CAAP1: variants seen among roughly 807,000 people sequenced by gnomAD.
CAAP1 encodes caspase activity and apoptosis inhibitor 1.
Under a neutral mutation model 34.0 loss-of-function variants are expected in CAAP1, and 20 were observed. The ratio of observed to expected loss-of-function variants is 0.59; its 90% CI spans 0.41 to 0.86. CAAP1 has a LOEUF of 0.86. Among genes scored for constraint, CAAP1 ranks in the 40% least tolerant of loss-of-function variants. CAAP1 has a pLI of 0.00. For synonymous variants in CAAP1, 213 were observed against 166.7 expected, an observed-to-expected ratio of 1.28 and a Z score of -2.14; for missense variants, 538 against 450.5, an observed-to-expected ratio of 1.19 and a Z score of -1.76.
rs367762619 is a variant in CAAP1, at chr9:26,852,799, G to GA, written c.739+8266dup. Among the ~76,000 whole-genome samples the GA allele has an allele frequency of 3.6e-3, 530 of 146,328 alleles. 2 individuals carry two copies. Among genetic ancestry groups the GA allele is most frequent in the Non-Finnish European group, 6.0e-3 (396 of 66,160 alleles). ...TTTATTAGAAGGTTTACGAGCTCTG[G>GA]AAAAAAAAAAATTAGTATCAACTAG... On this transcript the variant is annotated intron_variant, in intron 5 of 5. Coordinates refer to ENST00000333916, the MANE Select transcript of CAAP1 (RefSeq NM_024828.4).
chr9:26,857,316 C>G (rs62544403), intron 5 of CAAP1, among the ~76,000 whole-genome samples: 10,964 of 152,278 alleles, frequency 0.072, 441 homozygotes, highest in Middle Eastern at 0.15. Context: ...CAACTACATT[C>G]TGAGTGAAAT....
rs1010547054 is a variant in CAAP1, at chr9:26,890,379, A to G, written c.303+2034T>C. On this transcript the variant is annotated intron_variant, in intron 1 of 5. Transcript: ENST00000333916. ...CAGTGAGAGCCTATCTCAAAAAAAG[A>G]AAAAAAAAAAGGAAACTATTTAAAA... Among the ~76,000 whole-genome samples, 3 of 82,348 alleles carry G rather than the reference A, an allele frequency of 3.6e-5. No homozygotes were observed. In the Admixed American group the frequency reaches 4.1e-4, roughly 11 times the overall value. The allele number at this position is 82,348 out of a possible 152,430, so 54.0% of individuals were successfully genotyped here.
chr9:26,887,370 C>T lies in CAAP1; in HGVS notation c.447G>A (p.Gln149=), dbSNP rs753604036. ...TTTTCTCTCCTATAATACAGAAGCA[C>T]TGCTGAAGCATTTCTTTTTTGTCTG... ...YISDKKEMLQ[Q]CFCIIGEKKL... is the part of the protein sequence containing the mutation. Residue 149 remains glutamine (Q), a synonymous_variant, in exon 2 of 6, where the codon CAG becomes CAA. Transcript: ENST00000333916. 2.5e-6 allele frequency: 4 copies of T among 1,611,430 alleles called. No individual in the cohort carries two copies. Among genetic ancestry groups the T allele is most frequent in the Non-Finnish European group, 2.5e-6 (3 of 1,178,580 alleles).
chr9:26,858,269 A>G (rs996516097), intron 5 of CAAP1, among the ~76,000 whole-genome samples: 4 of 152,184 alleles, frequency 2.6e-5, no homozygotes, highest in Admixed American at 2.6e-4. Context: ...CAAATAGACA[A>G]TATTAGTGCA....
At chr9:26,868,550 T>C (rs1286784380) in intron 4 of CAAP1, among the ~76,000 whole-genome samples, 1 of 152,166 alleles carries the variant, frequency 6.6e-6, no homozygotes, top group East Asian at 1.9e-4. Context: ...TCCAGAACTA[T>C]AAGAAAATAA....
At chr9:26,883,335 T>C (rs1191497649) in intron 4 of CAAP1, among the ~76,000 whole-genome samples, 1 of 152,208 alleles carries the variant, frequency 6.6e-6, no homozygotes, top group Non-Finnish European at 1.5e-5. Context: ...ATCTTTCACT[T>C]GGTTCCCTCA....
At chr9:26,843,234 C>G (rs191426376) in intron 5 of CAAP1, among the ~76,000 whole-genome samples, 1 of 151,974 alleles carries the variant, frequency 6.6e-6, no homozygotes, top group Non-Finnish European at 1.5e-5. Flanking sequence ...GTTTTAATGA[C>G]GAGGATTTTA....
At position 26,842,275 on chromosome 9, in the gene CAAP1, C is replaced by A; in HGVS notation, c.*26G>T. On this transcript the variant is annotated 3_prime_UTR_variant, in exon 6 of 6. Transcript: ENST00000333916. ...ATGATGTGGCTTTGTTCAAACATAC[C>A]TAAAATTCAAAATCAAGTTAAATAC... is the stretch of plus-strand genomic sequence containing the variant. 1 of 1,509,458 alleles carries A rather than the reference C, an allele frequency of 6.6e-7. No individual in the cohort carries two copies. 93.5% of individuals were successfully genotyped at this position (1,509,458 alleles called of 1,614,324 possible).
At chr9:26,852,956 G>T (rs1263151207) in intron 5 of CAAP1, among the ~76,000 whole-genome samples, 1 of 152,216 alleles carries the variant, frequency 6.6e-6, no homozygotes, top group Non-Finnish European at 1.5e-5. Context: ...AGTGTTTGGA[G>T]TGCTAGAAGA....
chr9:26,888,897 C>T (rs138562846), intron 1 of CAAP1, among the ~76,000 whole-genome samples: 19 of 152,270 alleles, frequency 1.2e-4, no homozygotes, highest in Non-Finnish European at 2.1e-4. Context: ...GTTATCTATA[C>T]GTATGTGGTA....
chr9:26,854,670 G>T (rs1822826961), intron 5 of CAAP1, among the ~76,000 whole-genome samples: 1 of 152,108 alleles, frequency 6.6e-6, no homozygotes, highest in African/African-American at 2.4e-5. Flanking sequence ...CAAAGCACTG[G>T]TATCCAAAAT....
At chr9:26,844,118 G>T (rs1361630605) in intron 5 of CAAP1, among the ~76,000 whole-genome samples, 1 of 152,178 alleles carries the variant, frequency 6.6e-6, no homozygotes, top group Non-Finnish European at 1.5e-5. Context: ...AGCACTTTGG[G>T]AGGCTGAGGT....
chr9:26,879,085 T>C (rs753222319), intron 4 of CAAP1, among the ~76,000 whole-genome samples: 3 of 152,224 alleles, frequency 2.0e-5, no homozygotes, highest in Non-Finnish European at 2.9e-5. Flanking sequence ...TCTTTGAGAT[T>C]TGTATACATG....
At chr9:26,875,168 C>T (rs775787232) in intron 4 of CAAP1, among the ~76,000 whole-genome samples, 3 of 152,184 alleles carry the variant, frequency 2.0e-5, no homozygotes, top group South Asian at 2.1e-4. Context: ...GTGGATCACT[C>T]GAGGTCAGGG....
At chr9:26,862,230 G>A (rs1045987678) in intron 4 of CAAP1, among the ~76,000 whole-genome samples, 5 of 152,110 alleles carry the variant, frequency 3.3e-5, no homozygotes, top group South Asian at 2.1e-4. Flanking sequence ...TTAAATGCCA[G>A]TATACTACAT....
Position 26,892,471 on chromosome 9 carries a change from C to G in CAAP1, c.245G>C (p.Ser82Thr). 15 of 1,564,742 alleles carry G rather than the reference C, an allele frequency of 9.6e-6. No individual in the cohort carries two copies. The highest frequency in any genetic ancestry group is 1.3e-5 in the Non-Finnish European group (15 of 1,155,776). Reference sequence around the variant, plus strand: ...GGTACTCCTCCGCTTCCGGCGCTCGCTGCGCTCCACGCTGCTCCCGCCCCA... The same window carrying G: ...GGTACTCCTCCGCTTCCGGCGCTCGGTGCGCTCCACGCTGCTCCCGCCCCA... ...SCWGGSSVER[S>T]ERRKRRSTDS... The change falls in exon 1 of 6, where the codon AGC (serine) becomes ACC (threonine). Residue 82 changes from serine to threonine, a missense_variant. Ser to Thr is a moderately conservative substitution (Grantham distance 58). Transcript: ENST00000333916.
chr9:26,864,800 A>G (rs967731360), intron 4 of CAAP1, among the ~76,000 whole-genome samples: 4 of 152,230 alleles, frequency 2.6e-5, no homozygotes, highest in Non-Finnish European at 4.4e-5. Context: ...TTAAAGGTGC[A>G]AACATGCAGG....
intron 1 of CAAP1, among the ~76,000 whole-genome samples, chr9:26,890,455 T>C (rs1701529463): frequency 6.6e-6 from 1 of 151,792 alleles, no homozygotes; most frequent in Non-Finnish European, 1.5e-5. Context: ...GAAAACTGAA[T>C]AGATCTATAT....
chr9:26,866,848 A>C (rs1324674600), intron 4 of CAAP1, among the ~76,000 whole-genome samples: 1 of 152,170 alleles, frequency 6.6e-6, no homozygotes, highest in Non-Finnish European at 1.5e-5. Flanking sequence ...ACTACAAATT[A>C]CCCAAAATCA....
Sources: allele counts gnomAD v4.1 joint callset (sites outside exome capture counted in the v4.1 genomes callset), GRCh38; gene constraint gnomAD v4.1.1; transcripts MANE v1.5; gene names NCBI Gene and HGNC (gene_info 2026-07-23, HGNC 2026-07-21).